RBM4: variants seen among roughly 807,000 people sequenced by gnomAD.
The protein encoded by RBM4 is RNA-binding protein 4.
A neutral mutation model predicts 29.5 loss-of-function variants in RBM4; 7 were observed. The ratio of observed to expected loss-of-function variants is 0.24; its 90% CI spans 0.14 to 0.45. The LOEUF (loss-of-function observed/expected upper bound fraction) is 0.45, where lower values mean the gene tolerates loss of function less well. RBM4 is among the 20% of genes least tolerant of loss of function. The pLI, the probability that RBM4 is intolerant of heterozygous loss-of-function variation, is 1.00. For synonymous variants in RBM4, 220 were observed against 205.4 expected, an observed-to-expected ratio of 1.07 and a Z score of -0.61; for missense variants, 387 against 502.3, an observed-to-expected ratio of 0.77 and a Z score of 2.19.
At chr11:66,642,821 C>T (rs1159132151) in intron 2 of RBM4, among the ~76,000 whole-genome samples, 1 of 152,178 alleles carries the variant, frequency 6.6e-6, no homozygotes, top group African/African-American at 2.4e-5. Flanking sequence ...TCAGAACCAG[C>T]AGTTTAAAGG....
At chr11:66,649,782 G>C, downstream of RBM4, 1 of 701,464 alleles carries the variant, frequency 1.4e-6, no homozygotes, top group East Asian at 2.7e-5. Context: ...CATGATTGTA[G>C]CTCACTGTAA....
Position 66,643,917 on chromosome 11 carries a change from G to C in RBM4, c.880G>C (p.Ala294Pro). The change falls in exon 3 of 4, where the codon GCT (alanine) becomes CCT (proline). Residue 294 changes from alanine to proline, a missense_variant. Physicochemically the swap from Ala to Pro is conservative, Grantham distance 27. Coordinates refer to ENST00000310092, the MANE Select transcript of RBM4 (RefSeq NM_002896.4). The surrounding 1 kb of genome is among the most constrained non-coding windows in gnomAD (Gnocchi z 6.1). ...AGCTGCTGCTGCAGCAGCAGCCGCT[G>C]CTGCTGTTACTGCAGCTTCCACTTC... ...ATAAAAAAAA[A>P]AVTAASTSYY... The C allele has an allele frequency of 6.2e-7, 1 of 1,613,236 alleles. No individual in the cohort carries two copies. Among genetic ancestry groups the C allele is most frequent in the South Asian group, 1.1e-5 (1 of 91,070 alleles).
downstream of RBM4, among the ~76,000 whole-genome samples, chr11:66,649,290 A>ACCCAGC (rs1219352375): frequency 6.6e-6 from 1 of 152,170 alleles, no homozygotes. Context: ...GAGCCATCAC[A>ACCCAGC]CCCAGCCTTA....
At chr11:66,652,319 T>G (rs891504005) in intron 2 of RBM4, 4 of 152,174 alleles carry the variant, frequency 2.6e-5, no homozygotes, top group Non-Finnish European at 5.9e-5. Flanking sequence ...GGTCTCGATC[T>G]CCTGACCTCT....
At chr11:66,655,944 G>A (rs1269882073) in intron 2 of RBM4, among the ~76,000 whole-genome samples, 2 of 151,938 alleles carry the variant, frequency 1.3e-5, no homozygotes, top group Admixed American at 1.3e-4. Context: ...CCTGACTCTG[G>A]GAAGAACCAG....
At chr11:66,645,444 T>C (rs895687041) in intron 3 of RBM4, among the ~76,000 whole-genome samples, 1 of 152,186 alleles carries the variant, frequency 6.6e-6, no homozygotes, top group Admixed American at 6.5e-5. Context: ...CAGTCACTGA[T>C]TGGGCTGGAA....
At chr11:66,665,344 C>T (rs1483028492) in intron 2 of RBM4, 2 of 573,460 alleles carry the variant, frequency 3.5e-6, no homozygotes, top group South Asian at 2.1e-5. Flanking sequence ...ATAATCCTTA[C>T]CTAGGGCTGC....
intron 2 of RBM4, among the ~76,000 whole-genome samples, chr11:66,652,779 A>G (rs1308079264): frequency 4.6e-5 from 7 of 152,068 alleles, no homozygotes; most frequent in Admixed American, 3.3e-4. Flanking sequence ...CTGAGGTGCA[A>G]AGATTGAGCA....
At chr11:66,665,545 C>T (rs1245998118) in intron 2 of RBM4, 45 of 1,514,616 alleles carry the variant, frequency 3.0e-5, no homozygotes, top group South Asian at 4.8e-5. Flanking sequence ...CATATATGAC[C>T]GCAGCCCGAG....
At chr11:66,644,205 A>C (rs148442917) in intron 3 of RBM4, 65 bp downstream of exon 3, 1 of 1,537,978 alleles carries the variant, frequency 6.5e-7, no homozygotes, top group Admixed American at 2.0e-5. Context: ...AAGGGCTCCA[A>C]TTAGGCTGCC....
At chr11:66,640,985 A>C (rs1440269316) in intron 2 of RBM4, 2 of 152,186 alleles carry the variant, frequency 1.3e-5, no homozygotes, top group African/African-American at 2.4e-5. Flanking sequence ...GGGATGCTAA[A>C]ATGGTACGTA....
chr11:66,648,661 T>C (rs1938760396), downstream of RBM4, among the ~76,000 whole-genome samples: 1 of 151,718 alleles, frequency 6.6e-6, no homozygotes, highest in South Asian at 2.1e-4. Flanking sequence ...CTGAAAAATA[T>C]AAGTTAGCCG....
At chr11:66,651,514 A>AT (rs944731419) in intron 2 of RBM4, among the ~76,000 whole-genome samples, 1 of 151,692 alleles carries the variant, frequency 6.6e-6, no homozygotes, top group African/African-American at 2.4e-5. Flanking sequence ...CACCTGGCTA[A>AT]TTTTTTTGTA....
exon 3 of RBM4, chr11:66,667,881 TTTC>T (rs1939303892): frequency 6.6e-6 from 1 of 151,956 alleles, no homozygotes; most frequent in Non-Finnish European, 1.5e-5. Context: ...CTAATTTAAT[TTTC>T]TTTGTAGAGA....
chr11:66,644,250 A>C, intron 3 of RBM4, 110 bp downstream of exon 3: 1 of 1,419,412 alleles, frequency 7.0e-7, no homozygotes, highest in Non-Finnish European at 9.4e-7. Context: ...GGTTAGGGGA[A>C]GGTTACTAGG....
chr11:66,657,006 C>T (rs1312458602), intron 2 of RBM4, among the ~76,000 whole-genome samples: 2 of 150,796 alleles, frequency 1.3e-5, no homozygotes, highest in South Asian at 2.1e-4. Context: ...TGGTTACAAT[C>T]TTGTTCCCAT....
At chr11:66,653,840 G>T (rs1938885617) in intron 2 of RBM4, among the ~76,000 whole-genome samples, 1 of 147,370 alleles carries the variant, frequency 6.8e-6, no homozygotes. Flanking sequence ...CTGAGACAGA[G>T]TCCTGCTCTG....
chr11:66,649,756 A>G (rs148689102), downstream of RBM4: 3 of 701,960 alleles, frequency 4.3e-6, no homozygotes, highest in African/African-American at 3.5e-5. Context: ...CTGTCACCCA[A>G]GCTGCAGTGT....
intron 3 of RBM4, chr11:66,644,352 T>G: frequency 1.6e-6 from 1 of 636,994 alleles, no homozygotes; most frequent in Non-Finnish European, 2.5e-6. Context: ...GGGCTTCTGG[T>G]AGTGGGAGTC....
Sources: allele counts gnomAD v4.1 joint callset (sites outside exome capture counted in the v4.1 genomes callset), GRCh38; gene constraint gnomAD v4.1.1; non-coding constraint Gnocchi (gnomAD v3.1); transcripts MANE v1.5; gene names NCBI Gene and HGNC (gene_info 2026-07-23, HGNC 2026-07-21).